The following CACNA2D1 variants were observed in gnomAD, a reference collection of about 807,000 sequenced individuals.
CACNA2D1 encodes calcium voltage-gated channel auxiliary subunit alpha2delta 1.
A neutral mutation model predicts 171.5 loss-of-function variants in CACNA2D1; 53 were observed. The observed-to-expected ratio is 0.31, with a 90% CI of 0.25 to 0.39. CACNA2D1 has a LOEUF of 0.39. Among genes scored for constraint, CACNA2D1 ranks in the 10% least tolerant of loss-of-function variants. The pLI, the probability that CACNA2D1 is intolerant of heterozygous loss-of-function variation, is 1.00. For missense variants in CACNA2D1, 903 were observed against 1,299.8 expected (o/e 0.69, Z 4.69); for synonymous variants, 442 against 443.1 (o/e 1.00, Z 0.03).
chr7:82,441,014 T>G (rs1392199368), intron 1 of CACNA2D1, among the ~76,000 whole-genome samples: 1 of 151,856 alleles, frequency 6.6e-6, no homozygotes, highest in African/African-American at 2.4e-5. Flanking sequence ...GAGAGAAATT[T>G]ACATACAGAA....
intron 3 of CACNA2D1, among the ~76,000 whole-genome samples, chr7:82,246,502 T>A (rs1804940233): frequency 6.6e-6 from 1 of 152,194 alleles, no homozygotes; most frequent in Admixed American, 6.5e-5. Context: ...AAATACTTTA[T>A]GAGCATAAAT....
At chr7:82,271,264 C>A (rs564842635) in intron 3 of CACNA2D1, among the ~76,000 whole-genome samples, 44 of 152,116 alleles carry the variant, frequency 2.9e-4, no homozygotes, top group Middle Eastern at 3.4e-3. Flanking sequence ...AAACTAGATC[C>A]CCTCTAGTCC....
intron 26 of CACNA2D1, among the ~76,000 whole-genome samples, chr7:81,971,332 C>G (rs1004482234): frequency 4.0e-5 from 6 of 151,444 alleles, no homozygotes; most frequent in Admixed American, 4.0e-4. Context: ...ATCTTAGGGC[C>G]TTCATTATGA....
At chr7:82,393,374 G>A (rs1363877502) in intron 1 of CACNA2D1, among the ~76,000 whole-genome samples, 2 of 152,142 alleles carry the variant, frequency 1.3e-5, no homozygotes, top group African/African-American at 2.4e-5. Context: ...GGAGGCAACA[G>A]AGGTCTGTGC....
intron 1 of CACNA2D1, among the ~76,000 whole-genome samples, chr7:82,400,484 G>T (rs1826258737): frequency 6.6e-6 from 1 of 151,966 alleles, no homozygotes; most frequent in African/African-American, 2.4e-5. Flanking sequence ...AATGGTGCTG[G>T]GAAAACTGGC....
At chr7:82,272,472 G>A (rs1051118894) in intron 3 of CACNA2D1, among the ~76,000 whole-genome samples, 76 of 152,138 alleles carry the variant, frequency 5.0e-4, no homozygotes, top group African/African-American at 1.8e-3. Context: ...AAGTAGAAAG[G>A]ATAGCACGCA....
intron 1 of CACNA2D1, among the ~76,000 whole-genome samples, chr7:82,399,854 G>A (rs977343896): frequency 1.9e-4 from 29 of 151,970 alleles, no homozygotes; most frequent in Non-Finnish European, 5.9e-5. Flanking sequence ...AACTATAATA[G>A]GAAATCTTCT....
intron 4 of CACNA2D1, among the ~76,000 whole-genome samples, chr7:82,147,333 T>C (rs975895172): frequency 5.3e-5 from 8 of 152,136 alleles, no homozygotes; most frequent in African/African-American, 1.7e-4. Flanking sequence ...ATGATATCAA[T>C]AAATATATGA....
Position 82,017,171 on chromosome 7 carries a change from T to C in CACNA2D1, c.1144-2692A>G, listed in dbSNP as rs573200767. Among the ~76,000 whole-genome samples, 55 of 152,190 alleles carry C rather than the reference T, an allele frequency of 3.6e-4. 1 individual carries two copies. In the South Asian group the frequency reaches 0.011, roughly 30 times the overall value. On this transcript the variant is annotated intron_variant, in intron 12 of 38. Transcript: ENST00000356860. ...ATGATTTTATGGATTATATAGATTA[T>C]CTTAGAGCTTTCTATAATGATCTTA...
intron 3 of CACNA2D1, among the ~76,000 whole-genome samples, chr7:82,256,368 T>A (rs1435643238): frequency 6.6e-6 from 1 of 152,198 alleles, no homozygotes; most frequent in Non-Finnish European, 1.5e-5. Flanking sequence ...TCTTGTGGAA[T>A]GATTCCATTC....
intron 10 of CACNA2D1, among the ~76,000 whole-genome samples, chr7:82,051,948 T>G (rs941329280): frequency 6.6e-6 from 1 of 152,208 alleles, no homozygotes; most frequent in African/African-American, 2.4e-5. Context: ...ACCCTGGAGA[T>G]AGTAGAAACA....
At chr7:82,145,460 T>C (rs1450390344) in intron 4 of CACNA2D1, among the ~76,000 whole-genome samples, 2 of 144,270 alleles carry the variant, frequency 1.4e-5, no homozygotes, top group African/African-American at 5.0e-5. Context: ...TTTATATATG[T>C]TTATATTTTA....
At chr7:82,195,954 T>C (rs1798810391) in intron 3 of CACNA2D1, among the ~76,000 whole-genome samples, 1 of 152,094 alleles carries the variant, frequency 6.6e-6, no homozygotes. Flanking sequence ...TTTGCAGTTC[T>C]GCAGAAATTC....
In CACNA2D1 at chr7:82,117,123, GA is replaced by G; in HGVS notation, c.446del (p.Phe149SerfsTer32). On this transcript the variant is annotated frameshift_variant, in exon 6 of 39. Coordinates refer to ENST00000356860, the MANE Select transcript of CACNA2D1 (RefSeq NM_000722.4). LOFTEE classifies it high-confidence loss of function. ...GTCGTCCAAAATTAGCATCTTCAATGAAAACAGGTTTTATCCTCTGGCTGCC... is the reference window on the plus strand; with the variant it reads ...GTCGTCCAAAATTAGCATCTTCAATGAAACAGGTTTTATCCTCTGGCTGCC... ...EPGSQRIKPVFIEDANFGRQI... is the reference protein window; with the variant it reads ...EPGSQRIKPVXIEDANFGRQI... 6.2e-7 allele frequency: 1 copy of G among 1,613,782 alleles called. No homozygotes were observed. The highest frequency in any genetic ancestry group is 8.5e-7 in the Non-Finnish European group (1 of 1,179,826).
chr7:82,244,117 T>A (rs1804638779), intron 3 of CACNA2D1, among the ~76,000 whole-genome samples: 1 of 152,036 alleles, frequency 6.6e-6, no homozygotes, highest in African/African-American at 2.4e-5. Flanking sequence ...GTGGGTTTTA[T>A]TATTTCTTCA....
chr7:82,114,127 CAAATT>C (rs200099757), intron 6 of CACNA2D1, among the ~76,000 whole-genome samples: 2,402 of 152,146 alleles, frequency 0.016, 68 homozygotes, highest in African/African-American at 0.055. Context: ...ATTGTTTACA[CAAATT>C]AATTTGTGTA....
chr7:82,423,462 T>G (rs1828904242), intron 1 of CACNA2D1, among the ~76,000 whole-genome samples: 1 of 152,176 alleles, frequency 6.6e-6, no homozygotes, highest in Non-Finnish European at 1.5e-5. Flanking sequence ...AGTATCAAAA[T>G]AGTTGGTTTG....
chr7:82,016,023 A>G (rs1014663539), intron 12 of CACNA2D1, among the ~76,000 whole-genome samples: 4 of 152,186 alleles, frequency 2.6e-5, no homozygotes, highest in African/African-American at 9.6e-5. Flanking sequence ...GTAAGAATAA[A>G]TAATTGTTTC....
At chr7:82,247,510 G>GA (rs368013698) in intron 3 of CACNA2D1, among the ~76,000 whole-genome samples, 1,705 of 132,532 alleles carry the variant, frequency 0.013, 23 homozygotes, top group African/African-American at 0.043. Flanking sequence ...TCTCAAAAAA[G>GA]AAAAAAAAAA....
Sources: gnomAD v4.1 joint callset for allele counts (sites outside exome capture counted in the v4.1 genomes callset) on GRCh38, gnomAD v4.1.1 for gene constraint, MANE v1.5 for transcripts, NCBI Gene and HGNC (gene_info 2026-07-23, HGNC 2026-07-21) for gene names.